KMT5B: variants seen among roughly 807,000 people sequenced by gnomAD.
The protein encoded by KMT5B is lysine methyltransferase 5B.
KMT5B carries 10 observed loss-of-function variants against 83.2 expected under a neutral mutation model. The observed-to-expected ratio is 0.12, with a 90% confidence interval of 0.07 to 0.20. The LOEUF (loss-of-function observed/expected upper bound fraction) is 0.20, where lower values mean the gene tolerates loss of function less well. KMT5B is among the 10% of genes least tolerant of loss of function. The pLI is 1.00. For missense variants in KMT5B, 753 were observed against 1,067.2 expected (o/e 0.71, Z 4.10); for synonymous variants, 349 against 388.8 (o/e 0.90, Z 1.20).
intron 1 of KMT5B, among the ~76,000 whole-genome samples, chr11:68,208,663 T>C (rs1366890885): frequency 6.6e-6 from 1 of 151,996 alleles, no homozygotes; most frequent in African/African-American, 2.4e-5. Flanking sequence ...TGAGATGGGA[T>C]GATCAGGGAA....
intron 3 of KMT5B, among the ~76,000 whole-genome samples, chr11:68,180,522 T>C (rs986814943): frequency 3.9e-5 from 6 of 152,148 alleles, no homozygotes; most frequent in African/African-American, 1.4e-4. Flanking sequence ...AATAATCAAA[T>C]ACATATAAAA....
chr11:68,196,189 G>A (rs752420906), intron 1 of KMT5B, among the ~76,000 whole-genome samples: 5 of 151,686 alleles, frequency 3.3e-5, no homozygotes, highest in Non-Finnish European at 7.4e-5. Context: ...TTTTTTTCCT[G>A]GGGGTGTGGG....
chr11:68,210,249 G>A (rs551379904), intron 1 of KMT5B, among the ~76,000 whole-genome samples: 2 of 152,042 alleles, frequency 1.3e-5, no homozygotes, highest in East Asian at 1.9e-4. Context: ...CAAGCTTTGG[G>A]GGGGGGGACA....
intron 3 of KMT5B, 135 bp downstream of exon 3, chr11:68,185,646 G>C: frequency 1.3e-6 from 1 of 780,500 alleles, no homozygotes; most frequent in Non-Finnish European, 1.9e-6. Context: ...TTGGCTCACA[G>C]ACAGAAAACC....
chr11:68,180,556 T>C (rs1435283780), intron 3 of KMT5B, among the ~76,000 whole-genome samples: 1 of 152,226 alleles, frequency 6.6e-6, no homozygotes, highest in Non-Finnish European at 1.5e-5. Flanking sequence ...TAGATGGTTA[T>C]AACAGTAGAA....
chr11:68,200,575 C>T (rs1859310784), intron 1 of KMT5B, among the ~76,000 whole-genome samples: 3 of 152,086 alleles, frequency 2.0e-5, no homozygotes, highest in Non-Finnish European at 4.4e-5. Context: ...GAGACTGACT[C>T]GCAGGCCAGA....
At chr11:68,196,756 G>A (rs1350114513) in intron 1 of KMT5B, among the ~76,000 whole-genome samples, 1 of 151,820 alleles carries the variant, frequency 6.6e-6, no homozygotes, top group Admixed American at 6.6e-5. Context: ...TGACCCTCCA[G>A]AGAAAAAGAA....
chr11:68,159,107 T>C lies in KMT5B; in HGVS notation c.1239A>G (p.Gln413=), dbSNP rs115159598. 5.2e-4 allele frequency: 836 copies of C among 1,601,676 alleles called. 2 individuals carry two copies. The African/African-American group carries it at 8.6e-3, about 16-fold the overall frequency. ...AAGAAGCTGGAATTCTTGACATAGA[T>C]TGCCTCGTTAACGTTCTGCTCTTGC... ...KNSKSRTLTR[Q]SMSRIPASSN... Residue 413 remains glutamine, a synonymous_variant, in exon 11 of 11, where the codon CAA becomes CAG. Transcript: ENST00000304363.
intron 5 of KMT5B, among the ~76,000 whole-genome samples, chr11:68,174,491 C>T (rs992841771): frequency 2.6e-5 from 4 of 152,096 alleles, no homozygotes; most frequent in African/African-American, 4.8e-5. Flanking sequence ...TCCCTTAAGG[C>T]TCATAATGAA....
intron 4 of KMT5B, 162 bp downstream of exon 4, chr11:68,179,970 T>C: frequency 1.2e-6 from 1 of 850,680 alleles, no homozygotes; most frequent in Non-Finnish European, 1.7e-6. Flanking sequence ...ACAAGTGGTT[T>C]TTTAAAAAAT....
At chr11:68,176,849 TAAGAA>T (rs1408068935) in intron 4 of KMT5B, 3 of 152,012 alleles carry the variant, frequency 2.0e-5, no homozygotes, top group Non-Finnish European at 4.4e-5. Flanking sequence ...TAAAATACAT[TAAGAA>T]AAAATATTAG....
At chr11:68,206,157 C>T (rs1312029054) in intron 1 of KMT5B, among the ~76,000 whole-genome samples, 1 of 152,180 alleles carries the variant, frequency 6.6e-6, no homozygotes, top group East Asian at 1.9e-4. Flanking sequence ...AAAAAAACTT[C>T]CAGAAGAAAA....
intron 6 of KMT5B, among the ~76,000 whole-genome samples, chr11:68,172,202 T>C (rs185799343): frequency 6.6e-6 from 1 of 152,140 alleles, no homozygotes; most frequent in Non-Finnish European, 1.5e-5. Context: ...GAAAGTTAAG[T>C]GAATATAGGT....
At chr11:68,161,574 C>T (rs1008819525) in intron 10 of KMT5B, among the ~76,000 whole-genome samples, 1 of 152,230 alleles carries the variant, frequency 6.6e-6, no homozygotes, top group Non-Finnish European at 1.5e-5. Context: ...TCCAATGAGA[C>T]AGCCTTTGGT....
intron 3 of KMT5B, among the ~76,000 whole-genome samples, chr11:68,183,532 T>C (rs1454229110): frequency 6.6e-6 from 1 of 151,776 alleles, no homozygotes; most frequent in Non-Finnish European, 1.5e-5. Context: ...TAATTTTTTG[T>C]ATTTTTAGTA....
At chr11:68,162,280 A>T (rs995680467) in intron 10 of KMT5B, among the ~76,000 whole-genome samples, 2 of 152,200 alleles carry the variant, frequency 1.3e-5, no homozygotes, top group African/African-American at 2.4e-5. Flanking sequence ...ACCTTTCAGC[A>T]ACCTAATGCC....
intron 1 of KMT5B, among the ~76,000 whole-genome samples, chr11:68,207,990 C>T (rs1174528457): frequency 2.0e-5 from 3 of 150,408 alleles, no homozygotes; most frequent in Non-Finnish European, 3.0e-5. Flanking sequence ...AGGTGCCCAC[C>T]ACCACGCCCA....
chr11:68,166,176 A>G (rs1051232856), intron 10 of KMT5B: 8 of 1,344,050 alleles, frequency 6.0e-6, no homozygotes, highest in African/African-American at 1.5e-5. Flanking sequence ...TGGCAACTAC[A>G]GAAAACTGGT....
intron 1 of KMT5B, among the ~76,000 whole-genome samples, chr11:68,194,922 C>T (rs550442091): frequency 4.2e-4 from 64 of 152,270 alleles, no homozygotes; most frequent in African/African-American, 1.5e-3. Flanking sequence ...TGCCTATAAT[C>T]CTAGCCCTCT....
Sources: gnomAD v4.1 joint callset for allele counts (sites outside exome capture counted in the v4.1 genomes callset) on GRCh38, gnomAD v4.1.1 for gene constraint, MANE v1.5 for transcripts, NCBI Gene and HGNC (gene_info 2026-07-23, HGNC 2026-07-21) for gene names.